The following CNOT1 variants were observed in gnomAD, a reference collection of about 807,000 sequenced individuals.
The protein encoded by CNOT1 is CCR4-associated factor 1.
CNOT1 carries 15 observed loss-of-function variants against 273.8 expected under a neutral mutation model. The ratio of observed to expected loss-of-function variants is 0.05; its 90% CI spans 0.04 to 0.08. CNOT1 has a LOEUF of 0.08. Ranked by LOEUF, CNOT1 falls within the 10% of genes least tolerant of loss-of-function variation. The probability of loss-of-function intolerance (pLI) is 1.00; values close to 1 mark genes in which losing one functional copy is unlikely to be tolerated. For missense variants in CNOT1, 1,644 were observed against 2,912.2 expected, an observed-to-expected ratio of 0.56 and a Z score of 10.02; for synonymous variants, 1,022 against 1,005.5, an observed-to-expected ratio of 1.02 and a Z score of -0.31.
At chr16:58,552,459 T>C (rs1215385403) in intron 22 of CNOT1, among the ~76,000 whole-genome samples, 3 of 152,200 alleles carry the variant, frequency 2.0e-5, no homozygotes, top group Non-Finnish European at 4.4e-5. Flanking sequence ...TCTCTCTCTC[T>C]GGCTATCTTG....
At chr16:58,558,737 G>A (rs1843697065) in intron 17 of CNOT1, 63 bp from the exon 18 acceptor site, 5 of 1,558,540 alleles carry the variant, frequency 3.2e-6, no homozygotes, top group Non-Finnish European at 4.3e-6. Context: ...CACATGTAAA[G>A]CAATCTTTAA....
chr16:58,583,632 T>C (rs1231162091), intron 8 of CNOT1, among the ~76,000 whole-genome samples: 1 of 152,064 alleles, frequency 6.6e-6, no homozygotes, highest in Non-Finnish European at 1.5e-5. Context: ...TGGCACAATC[T>C]TGGCTCACTG....
chr16:58,565,288 GT>G (rs925567886), intron 16 of CNOT1, among the ~76,000 whole-genome samples: 3 of 151,664 alleles, frequency 2.0e-5, no homozygotes, highest in Non-Finnish European at 2.9e-5. Context: ...ATTTTTAAAT[GT>G]TTTTTTTCAG....
chr16:58,547,130 T>C lies in CNOT1; in HGVS notation c.3750+56A>G. On this transcript the variant is annotated intron_variant, in intron 27 of 48. Transcript: ENST00000317147. This position sits in a 1 kb window ranked among gnomAD's most constrained non-coding sequence, Gnocchi z 4.0. Reference sequence around the variant, plus strand: ...AGAATATAATCTCTTGACCTCATGCTAAAACAAAGCAATGCTTAGAAATTA... The same window carrying C: ...AGAATATAATCTCTTGACCTCATGCCAAAACAAAGCAATGCTTAGAAATTA... The C allele has an allele frequency of 6.3e-7, 1 of 1,581,122 alleles. No homozygotes were observed.
chr16:58,538,664 C>T (rs2039990212), intron 36 of CNOT1, 108 bp downstream of exon 36: 6 of 1,489,456 alleles, frequency 4.0e-6, no homozygotes, highest in African/African-American at 2.8e-5. Context: ...TCTAAGTGTC[C>T]GACCTACCTA....
At position 58,583,186 on chromosome 16, in the gene CNOT1, A is replaced by T. The variant is rs943877576; in HGVS notation, c.807-4T>A. ...TATATTGCGACATTCTTCAATACTG[A>T]AACAGAAATATAACTTCAGAAAAAT... On this transcript the variant is annotated splice_region_variant and splice_polypyrimidine_tract_variant and intron_variant, in intron 8 of 48. Transcript: ENST00000317147. 1 of 1,613,008 alleles carries T rather than the reference A, an allele frequency of 6.2e-7. No homozygotes were observed. The highest frequency in any genetic ancestry group is 1.7e-5 in the Admixed American group (1 of 59,664).
At chr16:58,622,845 A>AC (rs1483849249) in intron 1 of CNOT1, among the ~76,000 whole-genome samples, 6 of 147,542 alleles carry the variant, frequency 4.1e-5, no homozygotes, top group African/African-American at 9.9e-5. Flanking sequence ...GAAACTCTTG[A>AC]CCCAAAAAAA....
At chr16:58,543,240 A>C in intron 31 of CNOT1, 1 of 1,540,124 alleles carries the variant, frequency 6.5e-7, no homozygotes, top group Non-Finnish European at 8.7e-7. Flanking sequence ...GTGCACATGC[A>C]ACATCACTTT....
chr16:58,591,179 A>C (rs2042039009), intron 2 of CNOT1, among the ~76,000 whole-genome samples: 1 of 152,196 alleles, frequency 6.6e-6, no homozygotes, highest in Non-Finnish European at 1.5e-5. Context: ...AAGATCAGAA[A>C]AAGGGTCAGA....
intron 16 of CNOT1, among the ~76,000 whole-genome samples, chr16:58,573,724 G>A (rs962233933): frequency 4.0e-5 from 6 of 151,702 alleles, no homozygotes; most frequent in Admixed American, 3.3e-4. Flanking sequence ...CTCATGATTC[G>A]CCCGCCTCGG....
chr16:58,562,693 G>A (rs1006555792), intron 16 of CNOT1, among the ~76,000 whole-genome samples: 8 of 151,338 alleles, frequency 5.3e-5, no homozygotes, highest in Middle Eastern at 3.4e-3. Flanking sequence ...TGTGTTGGCA[G>A]GTGCCTGTAA....
rs199893531 is a variant in CNOT1, at chr16:58,556,939, A to T, written c.2387T>A (p.Leu796His). ...LTGIGTGALG[L>H]PAVNNDPFVQ... is the part of the protein sequence containing the mutation. ...AAAAGGGTCGTTATTCACTGCAGGGAGTCCAAGAGCACCAGTTCCTATACC... is the reference window on the plus strand; with the variant it reads ...AAAAGGGTCGTTATTCACTGCAGGGTGTCCAAGAGCACCAGTTCCTATACC... Residue 796 changes from leucine to histidine, a missense_variant, in exon 19 of 49, where the codon CTC becomes CAC. This residue lies in a region of CNOT1 where 706 missense variants were observed against 1,021.2 expected (regional missense o/e 0.69). Coordinates refer to ENST00000317147, the MANE Select transcript of CNOT1 (RefSeq NM_016284.5). The T allele has an allele frequency of 5.1e-5, 82 of 1,614,146 alleles. No individual in the cohort carries two copies. The highest frequency in any genetic ancestry group is 6.3e-5 in the Non-Finnish European group (74 of 1,180,020).
At chr16:58,621,961 T>A (rs7197786) in intron 1 of CNOT1, among the ~76,000 whole-genome samples, 107,911 of 142,566 alleles carry the variant, frequency 0.76, 41,254 homozygotes, top group Middle Eastern at 0.88. Flanking sequence ...GAGTGAATTC[T>A]AATGTAAACC....
chr16:58,520,858 TG>T lies in CNOT1; in HGVS notation c.*99del, dbSNP rs2039342747. On this transcript the variant is annotated 3_prime_UTR_variant, in exon 49 of 49. Transcript: ENST00000317147. ...GGCAGATACCCACAAACCAAAGGGC[TG>T]GGAAAGTCAGGAAGAGCTGAAAGGA... 1 of 1,258,252 alleles carries T rather than the reference TG, an allele frequency of 7.9e-7. No homozygotes were observed. The highest frequency in any genetic ancestry group is 1.1e-6 in the Non-Finnish European group (1 of 874,592). 77.9% of individuals were successfully genotyped at this position (1,258,252 alleles called of 1,614,324 possible).
In CNOT1 at chr16:58,520,813, C is replaced by A; in HGVS notation, c.*145G>T. On this transcript the variant is annotated 3_prime_UTR_variant, in exon 49 of 49. Transcript: ENST00000317147. ...GAACGTGCCCACATAAGACAGGAGG[C>A]TGATCCCAACAGTAGTTGGGGCAGA... The A allele has an allele frequency of 2.5e-6, 2 of 798,446 alleles. No homozygotes were observed. Among genetic ancestry groups the A allele is most frequent in the South Asian group, 1.7e-5 (1 of 58,590 alleles). 49.5% of individuals were successfully genotyped at this position (798,446 alleles called of 1,614,324 possible). A position where few individuals can be genotyped will look rare whatever the true frequency, so the allele number is the denominator to read the frequency against.
At chr16:58,522,410 T>A (rs1393430190) in intron 47 of CNOT1, among the ~76,000 whole-genome samples, 4 of 152,156 alleles carry the variant, frequency 2.6e-5, no homozygotes, top group African/African-American at 9.7e-5. Context: ...ACTGCAGCTT[T>A]ATATAAACAA....
At position 58,558,751 on chromosome 16, in the gene CNOT1, C is replaced by G. The variant is rs960553483; in HGVS notation, c.2131-77G>C. ...ACACATGTAAAGCAATCTTTAACAA[C>G]AGCTCTTCATAATCTTAAAAAGCAA... On this transcript the variant is annotated intron_variant, in intron 17 of 48. Coordinates refer to ENST00000317147, the MANE Select transcript of CNOT1 (RefSeq NM_016284.5). 5 of 1,537,910 alleles carry G rather than the reference C, an allele frequency of 3.3e-6. No individual in the cohort carries two copies. In the East Asian group the frequency reaches 1.2e-4, roughly 37 times the overall value.
chr16:58,599,050 CAAAAAAAA>C, intron 2 of CNOT1, 178 bp downstream of exon 2: 6 of 308,482 alleles, frequency 1.9e-5, no homozygotes, highest in Admixed American at 5.2e-5. Context: ...GACTCTGTCT[CAAAAAAAA>C]AAAAAAAAAA....
At position 58,616,053 on chromosome 16, in the gene CNOT1, C is replaced by A. The variant is rs1013713175; in HGVS notation, c.-175+13675G>T. ...GGCCATTGTCCTGCAGCCTGGATGA[C>A]AGGGCAAGACACTGACTCTACCAAA... On this transcript the variant is annotated intron_variant, in intron 1 of 48. Coordinates refer to ENST00000317147, the MANE Select transcript of CNOT1 (RefSeq NM_016284.5). Among the ~76,000 whole-genome samples, 5 of 124,136 alleles carry A rather than the reference C, an allele frequency of 4.0e-5. 2 individuals carry two copies. The highest frequency in any genetic ancestry group is 5.7e-5 in the Non-Finnish European group (3 of 52,240). 81.4% of individuals were successfully genotyped at this position (124,136 alleles called of 152,430 possible). A position where few individuals can be genotyped will look rare whatever the true frequency, so the allele number is the denominator to read the frequency against.
Sources: allele counts gnomAD v4.1 joint callset (sites outside exome capture counted in the v4.1 genomes callset), GRCh38; gene constraint gnomAD v4.1.1; regional missense constraint gnomAD v4.1.1; non-coding constraint Gnocchi (gnomAD v3.1); transcripts MANE v1.5; gene names NCBI Gene and HGNC (gene_info 2026-07-23, HGNC 2026-07-21).